Variants in HOXA3 observed in about 807,000 individuals in gnomAD.
HOXA3 encodes homeobox A3, also known as homeobox protein Hox-A3.
In HOXA3, 8 loss-of-function variants were observed where a neutral mutation model predicts 30.3. That is an observed-to-expected ratio of 0.26 (90% CI 0.15 to 0.48). The LOEUF (loss-of-function observed/expected upper bound fraction) is 0.48, where lower values mean the gene tolerates loss of function less well. Among genes scored for constraint, HOXA3 ranks in the 20% least tolerant of loss-of-function variants. The probability of loss-of-function intolerance (pLI) is 0.99; values close to 1 mark genes in which losing one functional copy is unlikely to be tolerated. For synonymous variants in HOXA3, 323 were observed against 273.1 expected (o/e 1.18, Z -1.80); for missense variants, 653 against 614.4 (o/e 1.06, Z -0.66).
At chr7:27,125,550 A>G (rs1244221001) in intron 3 of HOXA3, among the ~76,000 whole-genome samples, 1 of 152,218 alleles carries the variant, frequency 6.6e-6, no homozygotes, top group Non-Finnish European at 1.5e-5. Context: ...TTTCCAGCCC[A>G]TGTGTTTCTT....
chr7:27,145,960 A>T (rs1782746956), intron 1 of HOXA3: 1 of 1,588,582 alleles, frequency 6.3e-7, no homozygotes, highest in Admixed American at 1.7e-5. Flanking sequence ...CAGGGCCTGG[A>T]GGGTTGACCC....
intron 4 of HOXA3, among the ~76,000 whole-genome samples, chr7:27,111,981 T>C (rs1784405080): frequency 6.6e-6 from 1 of 152,236 alleles, no homozygotes; most frequent in Non-Finnish European, 1.5e-5. Flanking sequence ...ATTTTGTTAC[T>C]TGGCCTATTT....
At chr7:27,142,235 C>G (rs1055543157) in intron 1 of HOXA3, 9 of 775,022 alleles carry the variant, frequency 1.2e-5, no homozygotes, top group Non-Finnish European at 1.6e-5. Context: ...ATTTCCTTCT[C>G]TCTTCCTTTC....
intron 2 of HOXA3, 137 bp downstream of exon 2, chr7:27,139,946 A>G (rs1782488957): frequency 6.6e-6 from 1 of 151,498 alleles, no homozygotes; most frequent in Non-Finnish European, 1.5e-5. Flanking sequence ...TCTTTTGGGC[A>G]GAGGGAAAGT....
At chr7:27,144,423 C>A (rs960382875) in intron 1 of HOXA3, among the ~76,000 whole-genome samples, 1 of 152,246 alleles carries the variant, frequency 6.6e-6, no homozygotes, top group Non-Finnish European at 1.5e-5. Flanking sequence ...AGGTCAAATT[C>A]CATACACTTT....
chr7:27,142,330 C>T (rs1481928631), intron 1 of HOXA3, among the ~76,000 whole-genome samples: 1 of 152,208 alleles, frequency 6.6e-6, no homozygotes, highest in African/African-American at 2.4e-5. Context: ...TCCGGCTTTC[C>T]CTGGCCCCTC....
chr7:27,135,500 C>T (rs1226972345), intron 2 of HOXA3, among the ~76,000 whole-genome samples: 1 of 152,060 alleles, frequency 6.6e-6, no homozygotes, highest in African/African-American at 2.4e-5. Flanking sequence ...TCCTTCCTTC[C>T]CCTTCTCAGA....
At position 27,135,100 on chromosome 7, in the gene HOXA3, T is replaced by C. The variant is rs181133528; in HGVS notation, c.-390+4983A>G. 7.9e-5 allele frequency among the ~76,000 whole-genome samples: 12 copies of C among 152,274 alleles called. No homozygotes were observed. The East Asian group carries it at 1.9e-3, about 24-fold the overall frequency. On this transcript the variant is annotated intron_variant, in intron 2 of 5. Transcript: ENST00000612286. ...GCAACTCACACATGAGGCATGGTTC[T>C]AGTCGGCTTCCTTAATACACTATTC... is the stretch of plus-strand genomic sequence containing the variant.
intron 1 of HOXA3, chr7:27,143,767 CT>C: frequency 7.4e-7 from 1 of 1,346,198 alleles, no homozygotes; most frequent in African/African-American, 1.5e-5. Flanking sequence ...GAATCACGTG[CT>C]TTTGTTGTCC....
At position 27,107,329 on chromosome 7, in the gene HOXA3, G is replaced by A. The variant is rs1013208410; in HGVS notation, c.*586C>T. ...TTCTTTAATATAAATACGAACGGAT[G>A]GGGATAAATAATATTTAAAACTTAG... On this transcript the variant is annotated 3_prime_UTR_variant, in exon 6 of 6. Coordinates refer to ENST00000612286, the MANE Select transcript of HOXA3 (RefSeq NM_153631.3). 1.3e-5 allele frequency: 2 copies of A among 151,958 alleles called. No individual in the cohort carries two copies. The highest frequency in any genetic ancestry group is 4.8e-5 in the African/African-American group (2 of 41,364). The allele number at this position is 151,958 out of a possible 1,614,324, so 9.4% of individuals were successfully genotyped here.
At chr7:27,147,232 ACT>A (rs111650412) in intron 1 of HOXA3, 1 of 1,341,890 alleles carries the variant, frequency 7.5e-7, no homozygotes, top group Non-Finnish European at 1.0e-6. Context: ...TCCTCTTTCT[ACT>A]CTGTTTCCTC....
Position 27,152,427 on chromosome 7 carries a change from G to C in HOXA3, c.-633C>G. 2.6e-6 allele frequency: 3 copies of C among 1,153,432 alleles called. No individual in the cohort carries two copies. Among genetic ancestry groups the C allele is most frequent in the Non-Finnish European group, 3.3e-6 (3 of 921,764 alleles). The allele number at this position is 1,153,432 out of a possible 1,614,324, so 71.4% of individuals were successfully genotyped here. A position where few individuals can be genotyped will look rare whatever the true frequency, so the allele number is the denominator to read the frequency against. ...TGCGAGTTGCAAAGCTGCTGCCGCG[G>C]CGCCGGGAACGGAGCGCGCCCAATC... On this transcript the variant is annotated 5_prime_UTR_variant, in exon 1 of 6. Coordinates refer to ENST00000612286, the MANE Select transcript of HOXA3 (RefSeq NM_153631.3).
chr7:27,126,851 C>T lies in HOXA3; in HGVS notation c.-205+35G>A, dbSNP rs1297448214. On this transcript the variant is annotated intron_variant, in intron 3 of 5. Coordinates refer to ENST00000612286, the MANE Select transcript of HOXA3 (RefSeq NM_153631.3). ...GAAGCTAATGAATATTCCCATACCC[C>T]TCTTTTCCCACAAAGGAGAAATATA... The T allele has an allele frequency of 2.0e-5, 3 of 152,210 alleles. No homozygotes were observed. The East Asian group carries it at 5.8e-4, about 29-fold the overall frequency. The allele number at this position is 152,210 out of a possible 1,614,324, so 9.4% of individuals were successfully genotyped here. A position where few individuals can be genotyped will look rare whatever the true frequency, so the allele number is the denominator to read the frequency against.
At chr7:27,142,282 A>G (rs538910085) in intron 1 of HOXA3, among the ~76,000 whole-genome samples, 37 of 152,322 alleles carry the variant, frequency 2.4e-4, no homozygotes, top group African/African-American at 8.7e-4. Flanking sequence ...CCTGGGAACA[A>G]TCTGCCCATC....
At position 27,110,540 on chromosome 7, in the gene HOXA3, G is replaced by C; in HGVS notation, c.101C>G (p.Pro34Arg). ...FAYNANQQPY[P>R]ASAALGADGE... ...GTCGGCGCCCAAAGCGGCGGACGCC[G>C]GGTACGGCTGCTGATTGGCATTATA... The change falls in exon 5 of 6, where the codon CCG (proline) becomes CGG (arginine). Residue 34 changes from proline to arginine, a missense_variant. Physicochemically the swap from Pro to Arg is moderately radical, Grantham distance 103. This residue lies in a region of HOXA3 where 320 missense variants were observed against 321.9 expected (regional missense o/e 0.99). Transcript: ENST00000612286. 1 of 1,606,574 alleles carries C rather than the reference G, an allele frequency of 6.2e-7. No homozygotes were observed. The highest frequency in any genetic ancestry group is 1.3e-5 in the African/African-American group (1 of 74,930).
intron 4 of HOXA3, among the ~76,000 whole-genome samples, chr7:27,120,394 A>G (rs1014218231): frequency 6.6e-6 from 1 of 151,948 alleles, no homozygotes; most frequent in African/African-American, 2.4e-5. Context: ...TACAAAAATT[A>G]GCCAGGCATG....
At chr7:27,141,801 C>A in intron 1 of HOXA3, 1 of 1,608,808 alleles carries the variant, frequency 6.2e-7, no homozygotes, top group Non-Finnish European at 8.5e-7. Flanking sequence ...GCGGGATCCG[C>A]TAATACTGCT....
At chr7:27,137,977 C>G (rs1488825497) in intron 2 of HOXA3, among the ~76,000 whole-genome samples, 1 of 151,920 alleles carries the variant, frequency 6.6e-6, no homozygotes, top group Non-Finnish European at 1.5e-5. Flanking sequence ...TTTCAATCAC[C>G]AAGAAATCAC....
intron 1 of HOXA3, among the ~76,000 whole-genome samples, chr7:27,148,495 C>A (rs1782864758): frequency 6.6e-6 from 1 of 152,262 alleles, no homozygotes; most frequent in South Asian, 2.1e-4. Flanking sequence ...GACCAGGACT[C>A]AGCCAAACGT....
Sources: allele counts gnomAD v4.1 joint callset (sites outside exome capture counted in the v4.1 genomes callset), GRCh38; gene constraint gnomAD v4.1.1; regional missense constraint gnomAD v4.1.1; transcripts MANE v1.5; gene names NCBI Gene and HGNC (gene_info 2026-07-23, HGNC 2026-07-21).